MAGI1: variants seen among roughly 807,000 people sequenced by gnomAD.
The protein encoded by MAGI1 is membrane associated guanylate kinase, WW and PDZ domain containing 1, also known as membrane-associated guanylate kinase, WW and PDZ domain-containing protein 1.
A neutral mutation model predicts 139.9 loss-of-function variants in MAGI1; 58 were observed. The observed-to-expected ratio is 0.41, with a 90% CI of 0.34 to 0.52. The LOEUF (loss-of-function observed/expected upper bound fraction) is 0.52, where lower values mean the gene tolerates loss of function less well. Among genes scored for constraint, MAGI1 ranks in the 20% least tolerant of loss-of-function variants. The probability of loss-of-function intolerance (pLI) is 0.12; values close to 1 mark genes in which losing one functional copy is unlikely to be tolerated. For missense variants in MAGI1, 1,874 were observed against 1,901.6 expected (o/e 0.99, Z 0.27); for synonymous variants, 812 against 737.9 (o/e 1.10, Z -1.63).
intron 1 of MAGI1, among the ~76,000 whole-genome samples, chr3:65,885,283 G>C (rs2108545696): frequency 6.6e-6 from 1 of 151,990 alleles, no homozygotes; most frequent in East Asian, 1.9e-4. Flanking sequence ...TGTAATCCCA[G>C]CTACTTGGGA....
chr3:65,397,753 A>T (rs963453142), intron 13 of MAGI1, among the ~76,000 whole-genome samples: 4 of 152,114 alleles, frequency 2.6e-5, no homozygotes, highest in African/African-American at 4.8e-5. Flanking sequence ...GAGTGGAATG[A>T]TTACATTATG....
intron 1 of MAGI1, among the ~76,000 whole-genome samples, chr3:65,628,278 G>C (rs1476944871): frequency 6.6e-6 from 1 of 152,076 alleles, no homozygotes; most frequent in Non-Finnish European, 1.5e-5. Flanking sequence ...GACCACTCCT[G>C]ATTGGATGAT....
chr3:65,913,838 A>G (rs956791103), intron 1 of MAGI1, among the ~76,000 whole-genome samples: 3 of 152,176 alleles, frequency 2.0e-5, no homozygotes, highest in African/African-American at 2.4e-5. Context: ...TGAGTAGAGT[A>G]CCATGGAGGA....
chr3:65,637,552 CAAAAAAAGAAAGAAAGAAAGAAAGAAAG>C (rs1393184493), intron 1 of MAGI1, among the ~76,000 whole-genome samples: 8 of 87,790 alleles, frequency 9.1e-5, no homozygotes, highest in African/African-American at 3.7e-4. Context: ...ACCCTGTCTC[CAAAAAAAGAAAGAAAGAAAGAAAGAAAG>C]AAAGAAAGAA....
intron 2 of MAGI1, among the ~76,000 whole-genome samples, chr3:65,621,042 T>C (rs2083641785): frequency 6.6e-6 from 1 of 152,080 alleles, no homozygotes; most frequent in Non-Finnish European, 1.5e-5. Context: ...AAACCATTTA[T>C]AGCAAACAAA....
chr3:65,395,096 C>T (rs1390480850), intron 13 of MAGI1, among the ~76,000 whole-genome samples: 1 of 152,096 alleles, frequency 6.6e-6, no homozygotes, highest in Non-Finnish European at 1.5e-5. Flanking sequence ...GCCCTACCTG[C>T]AATAGATTTA....
At chr3:65,404,656 C>T (rs139218586) in intron 12 of MAGI1, among the ~76,000 whole-genome samples, 225 of 152,286 alleles carry the variant, frequency 1.5e-3, no homozygotes, top group Non-Finnish European at 2.4e-3. Context: ...AAAAACCTTA[C>T]TAGTTTATAA....
chr3:65,453,534 C>T (rs191395096), intron 5 of MAGI1, among the ~76,000 whole-genome samples, 194 bp from the exon 6 acceptor site: 43 of 152,034 alleles, frequency 2.8e-4, no homozygotes, highest in African/African-American at 1.0e-3. Context: ...CTTAGGTAGG[C>T]TTTTTACTTA....
At chr3:65,858,061 A>C (rs1410638747) in intron 1 of MAGI1, among the ~76,000 whole-genome samples, 1 of 152,148 alleles carries the variant, frequency 6.6e-6, no homozygotes, top group East Asian at 1.9e-4. Context: ...GTGAGCCAAC[A>C]TTGTGCCACT....
intron 1 of MAGI1, among the ~76,000 whole-genome samples, chr3:65,931,615 G>C (rs541844350): frequency 6.6e-6 from 1 of 152,364 alleles, no homozygotes; most frequent in East Asian, 1.9e-4. Context: ...AGTGGGCCGA[G>C]ATTGTGCTAC....
intron 12 of MAGI1, among the ~76,000 whole-genome samples, chr3:65,402,120 C>T (rs543191252): frequency 3.3e-5 from 5 of 152,260 alleles, no homozygotes; most frequent in South Asian, 2.1e-4. Context: ...TCTGTCTCAA[C>T]GTCTGCCAGT....
intron 1 of MAGI1, chr3:65,688,562 A>T (rs1255280047): frequency 1.4e-5 from 5 of 349,810 alleles, no homozygotes; most frequent in Non-Finnish European, 2.2e-5. Context: ...ATGGTGACAG[A>T]CATTTCCGTG....
chr3:65,737,754 G>C (rs910025471), intron 1 of MAGI1, among the ~76,000 whole-genome samples: 1 of 152,156 alleles, frequency 6.6e-6, no homozygotes, highest in Non-Finnish European at 1.5e-5. Flanking sequence ...AAATGAGGAA[G>C]TGAGATCACT....
chr3:65,869,375 TG>T (rs2059848985), intron 1 of MAGI1, among the ~76,000 whole-genome samples: 4 of 127,850 alleles, frequency 3.1e-5, no homozygotes, highest in South Asian at 4.6e-4. Flanking sequence ...TTTTTGTTGT[TG>T]TTGTTGTTGT....
chr3:65,469,268 A>G (rs919868897), intron 5 of MAGI1, among the ~76,000 whole-genome samples: 1 of 152,200 alleles, frequency 6.6e-6, no homozygotes, highest in African/African-American at 2.4e-5. Flanking sequence ...ACTTAACAGT[A>G]GATCAGTTTC....
intron 1 of MAGI1, among the ~76,000 whole-genome samples, chr3:65,903,500 C>T (rs1008967748): frequency 1.2e-4 from 18 of 152,148 alleles, no homozygotes; most frequent in Admixed American, 5.2e-4. Flanking sequence ...ACAAAGAGCA[C>T]TCATGAAATG....
At chr3:65,960,266 G>T (rs781293712) in intron 1 of MAGI1, among the ~76,000 whole-genome samples, 1 of 152,066 alleles carries the variant, frequency 6.6e-6, no homozygotes, top group African/African-American at 2.4e-5. Context: ...GATTCCTCAT[G>T]TGGAAAAGCT....
chr3:65,483,328 C>G (rs1295461204), intron 3 of MAGI1, among the ~76,000 whole-genome samples: 1 of 152,188 alleles, frequency 6.6e-6, no homozygotes, highest in Non-Finnish European at 1.5e-5. Flanking sequence ...TCTATGCACC[C>G]TCTTACCTGA....
At chr3:65,524,826 G>A (rs1225605979) in intron 2 of MAGI1, among the ~76,000 whole-genome samples, 1 of 152,116 alleles carries the variant, frequency 6.6e-6, no homozygotes, top group African/African-American at 2.4e-5. Context: ...CTCTCTGGAG[G>A]TTGGATCTCA....
Sources: allele counts gnomAD v4.1 joint callset (sites outside exome capture counted in the v4.1 genomes callset), GRCh38; gene constraint gnomAD v4.1.1; transcripts MANE v1.5; gene names NCBI Gene and HGNC (gene_info 2026-07-23, HGNC 2026-07-21).